DPYD: variants seen among roughly 807,000 people sequenced by gnomAD.
The protein encoded by DPYD is dihydropyrimidine dehydrogenase [NADP(+)].
A neutral mutation model predicts 116.2 loss-of-function variants in DPYD; 109 were observed. The ratio of observed to expected loss-of-function variants is 0.94; its 90% confidence interval spans 0.80 to 1.10. The LOEUF is 1.10. DPYD is among the 50% of genes least tolerant of loss of function. The probability of loss-of-function intolerance (pLI) is 0.00; values close to 1 mark genes in which losing one functional copy is unlikely to be tolerated. For missense variants in DPYD, 1,302 were observed against 1,254.5 expected, an observed-to-expected ratio of 1.04 and a Z score of -0.57; for synonymous variants, 440 against 432.0, an observed-to-expected ratio of 1.02 and a Z score of -0.23.
intron 19 of DPYD, among the ~76,000 whole-genome samples, chr1:97,196,466 A>C (rs1220267608): frequency 1.3e-5 from 2 of 152,058 alleles, no homozygotes; most frequent in South Asian, 2.1e-4. Context: ...AAGGAGATAC[A>C]GTTATTTTAC....
intron 8 of DPYD, among the ~76,000 whole-genome samples, chr1:97,674,955 G>T (rs1189766922): frequency 6.6e-6 from 1 of 152,128 alleles, no homozygotes; most frequent in Non-Finnish European, 1.5e-5. Flanking sequence ...CCCTTACATT[G>T]TATAGCATTG....
At chr1:97,765,330 A>G (rs1022494181) in intron 3 of DPYD, among the ~76,000 whole-genome samples, 1 of 152,182 alleles carries the variant, frequency 6.6e-6, no homozygotes, top group Non-Finnish European at 1.5e-5. Context: ...TGTGTTTAAT[A>G]TATTTCTTTG....
intron 8 of DPYD, among the ~76,000 whole-genome samples, chr1:97,653,947 A>C (rs2100848829): frequency 6.6e-6 from 1 of 152,294 alleles, no homozygotes; most frequent in South Asian, 2.1e-4. Flanking sequence ...AAAAATCAGA[A>C]TCAGATCTCT....
At chr1:97,224,176 T>C (rs1422650822) in intron 19 of DPYD, among the ~76,000 whole-genome samples, 1 of 152,100 alleles carries the variant, frequency 6.6e-6, no homozygotes, top group Non-Finnish European at 1.5e-5. Context: ...TTGGGTTGAC[T>C]GAAGAACTTA....
intron 3 of DPYD, among the ~76,000 whole-genome samples, chr1:97,759,478 T>C (rs1468938514): frequency 2.0e-5 from 3 of 152,148 alleles, no homozygotes. Context: ...GATATTTCTT[T>C]TTCCTGCTAG....
At chr1:97,096,089 T>C (rs1220996900) in intron 21 of DPYD, 5 of 152,182 alleles carry the variant, frequency 3.3e-5, no homozygotes, top group African/African-American at 9.6e-5. Flanking sequence ...GAGAGGAACA[T>C]AAACTTGCAC....
rs186197739 is a variant in DPYD, at chr1:97,275,532, T to C, written c.2299+29727A>G. 1.3e-4 allele frequency among the ~76,000 whole-genome samples: 20 copies of C among 152,312 alleles called. No individual in the cohort carries two copies. In the East Asian group the frequency reaches 3.9e-3, roughly 29 times the overall value. The stretch of plus-strand genomic sequence containing the variant: ...TCCTTTACCTGTAAACTCTGCGTAA[T>C]AGTAGTTACAAACATTTGTCATTCA... On this transcript the variant is annotated intron_variant, in intron 18 of 22. Transcript: ENST00000370192.
chr1:97,884,282 G>A (rs1171379590), intron 1 of DPYD, among the ~76,000 whole-genome samples: 2 of 152,004 alleles, frequency 1.3e-5, no homozygotes, highest in Non-Finnish European at 2.9e-5. Flanking sequence ...TTTCACCAGA[G>A]AGGAGGAAAC....
chr1:97,407,708 T>C (rs527534477), intron 14 of DPYD, among the ~76,000 whole-genome samples: 1 of 152,232 alleles, frequency 6.6e-6, no homozygotes, highest in South Asian at 2.1e-4. Context: ...ATAGTCAAGA[T>C]ACATGGGTCC....
chr1:97,560,278 T>C (rs1303310696), intron 11 of DPYD, among the ~76,000 whole-genome samples: 4 of 152,070 alleles, frequency 2.6e-5, no homozygotes, highest in African/African-American at 9.7e-5. Context: ...TCAAAATATT[T>C]CTAAGCCACA....
intron 18 of DPYD, among the ~76,000 whole-genome samples, chr1:97,257,307 A>G (rs1008312261): frequency 3.3e-5 from 5 of 151,848 alleles, no homozygotes; most frequent in Non-Finnish European, 7.4e-5. Flanking sequence ...CCAACTAGTA[A>G]AACATTCAGA....
intron 20 of DPYD, among the ~76,000 whole-genome samples, chr1:97,177,259 G>A (rs532279235): frequency 1.3e-5 from 2 of 152,242 alleles, no homozygotes; most frequent in African/African-American, 2.4e-5. Context: ...AGAGAAATAT[G>A]AGAAAAATGT....
intron 16 of DPYD, 102 bp from the exon 17 acceptor site, chr1:97,306,399 A>C: frequency 6.9e-7 from 1 of 1,440,218 alleles, no homozygotes; most frequent in Non-Finnish European, 9.7e-7. Flanking sequence ...GACAAATCCA[A>C]CTTGACAATG....
intron 1 of DPYD, chr1:97,883,855 A>C (rs1316787395): frequency 2.1e-6 from 1 of 474,832 alleles, no homozygotes; most frequent in Non-Finnish European, 4.1e-6. Flanking sequence ...AGATACATGT[A>C]AATCAGAAGA....
At chr1:97,331,368 CT>C (rs1215965873) in intron 16 of DPYD, among the ~76,000 whole-genome samples, 2 of 151,952 alleles carry the variant, frequency 1.3e-5, no homozygotes, top group Non-Finnish European at 2.9e-5. Context: ...GTCCTAGCTA[CT>C]TGGGAGGATG....
chr1:97,326,073 T>C (rs1178758552), intron 16 of DPYD, among the ~76,000 whole-genome samples: 1 of 151,788 alleles, frequency 6.6e-6, no homozygotes, highest in African/African-American at 2.4e-5. Flanking sequence ...AAGGTATGGC[T>C]AATGTGAAAC....
chr1:97,906,543 C>T (rs1013523417), intron 1 of DPYD, among the ~76,000 whole-genome samples: 2 of 152,056 alleles, frequency 1.3e-5, no homozygotes, highest in African/African-American at 4.8e-5. Context: ...TAAAATTGAA[C>T]TATGGAATAA....
At chr1:97,082,186 C>CAGAA in intron 22 of DPYD, 144 bp downstream of exon 22, 1 of 989,532 alleles carries the variant, frequency 1.0e-6, no homozygotes, top group South Asian at 1.3e-5. Context: ...ATAAGGGTGA[C>CAGAA]AGGACAGAAA....
intron 20 of DPYD, among the ~76,000 whole-genome samples, chr1:97,165,147 C>A (rs1656226607): frequency 6.6e-6 from 1 of 152,072 alleles, no homozygotes. Flanking sequence ...AAGAACAAAG[C>A]TGGAAGCATC....
Sources: gnomAD v4.1 joint callset for allele counts (sites outside exome capture counted in the v4.1 genomes callset) on GRCh38, gnomAD v4.1.1 for gene constraint, MANE v1.5 for transcripts, NCBI Gene and HGNC (gene_info 2026-07-23, HGNC 2026-07-21) for gene names.